CDH12: variants seen among roughly 807,000 people sequenced by gnomAD.
CDH12 encodes cadherin-12.
In CDH12, 41 loss-of-function variants were observed where a neutral mutation model predicts 74.1. The ratio of observed to expected loss-of-function variants is 0.55; its 90% CI spans 0.43 to 0.72. The LOEUF (loss-of-function observed/expected upper bound fraction) is 0.72. Among genes scored for constraint, CDH12 ranks in the 30% least tolerant of loss-of-function variants. CDH12 has a pLI of 0.00. For synonymous variants in CDH12, 399 were observed against 355.0 expected (o/e 1.12, Z -1.39); for missense variants, 945 against 977.2 (o/e 0.97, Z 0.44).
At chr5:22,524,152 T>C (rs1737170945) in intron 1 of CDH12, among the ~76,000 whole-genome samples, 1 of 151,866 alleles carries the variant, frequency 6.6e-6, no homozygotes, top group African/African-American at 2.4e-5. Flanking sequence ...CTGGCTAATT[T>C]TTTGTATTTT....
At chr5:22,419,995 T>G (rs900789434) in intron 2 of CDH12, among the ~76,000 whole-genome samples, 1 of 80,578 alleles carries the variant, frequency 1.2e-5, no homozygotes, top group South Asian at 4.5e-4. Context: ...TTAATGGGGT[T>G]TTTTTTTGTT....
At chr5:22,209,562 GTA>G (rs1751413571) in intron 4 of CDH12, among the ~76,000 whole-genome samples, 1 of 151,342 alleles carries the variant, frequency 6.6e-6, no homozygotes. Flanking sequence ...TTGGAAAGAT[GTA>G]TATGTTACAA....
intron 1 of CDH12, among the ~76,000 whole-genome samples, chr5:22,614,744 G>C (rs1426715774): frequency 6.6e-6 from 1 of 152,016 alleles, no homozygotes; most frequent in Non-Finnish European, 1.5e-5. Context: ...TATCCATGGG[G>C]AATATGTTCC....
intron 1 of CDH12, among the ~76,000 whole-genome samples, chr5:22,778,731 CTTTTA>C (rs1747235646): frequency 1.3e-5 from 2 of 152,010 alleles, no homozygotes; most frequent in South Asian, 2.1e-4. Flanking sequence ...CTCTAGACAG[CTTTTA>C]TTTTAACAAA....
intron 2 of CDH12, among the ~76,000 whole-genome samples, chr5:22,494,093 C>T (rs1044608576): frequency 1.1e-4 from 17 of 152,248 alleles, no homozygotes; most frequent in East Asian, 5.8e-4. Flanking sequence ...TGTATATGGT[C>T]GAGCATGGTG....
At chr5:21,998,582 A>C (rs1736429538) in intron 5 of CDH12, among the ~76,000 whole-genome samples, 2 of 152,174 alleles carry the variant, frequency 1.3e-5, no homozygotes, top group South Asian at 4.1e-4. Flanking sequence ...TCTGTACAAA[A>C]TATCAGAAAA....
intron 2 of CDH12, among the ~76,000 whole-genome samples, chr5:22,491,627 A>AAC (rs1554044837): frequency 7.9e-5 from 12 of 151,172 alleles, no homozygotes; most frequent in African/African-American, 2.4e-4. Context: ...AAAAACAAAA[A>AAC]AAAAAACAAA....
At chr5:22,814,427 C>T (rs1749292220) in intron 1 of CDH12, among the ~76,000 whole-genome samples, 1 of 152,130 alleles carries the variant, frequency 6.6e-6, no homozygotes, top group African/African-American at 2.4e-5. Flanking sequence ...AAACATTACA[C>T]AAAGATTAAT....
intron 4 of CDH12, among the ~76,000 whole-genome samples, chr5:22,131,576 T>C (rs940770370): frequency 6.6e-6 from 1 of 152,122 alleles, no homozygotes; most frequent in Non-Finnish European, 1.5e-5. Context: ...GGTCACCTTG[T>C]TCCTTGTTGA....
At chr5:21,845,357 T>A (rs1312716730) in intron 7 of CDH12, among the ~76,000 whole-genome samples, 1 of 152,114 alleles carries the variant, frequency 6.6e-6, no homozygotes, top group Non-Finnish European at 1.5e-5. Flanking sequence ...ATTCCAGTCA[T>A]CCACTCCTAA....
At chr5:22,499,753 T>C (rs944957573) in intron 2 of CDH12, among the ~76,000 whole-genome samples, 5 of 152,160 alleles carry the variant, frequency 3.3e-5, no homozygotes, top group African/African-American at 9.7e-5. Context: ...CATGTTATTC[T>C]GGCTGTTTTC....
chr5:21,878,574 CA>C (rs55681202), intron 6 of CDH12, among the ~76,000 whole-genome samples: 2,632 of 119,714 alleles, frequency 0.022, 65 homozygotes, highest in African/African-American at 0.065. Context: ...ACCAAAAATA[CA>C]AAAAAAAAAA....
At chr5:22,513,023 C>T (rs182644840) in intron 1 of CDH12, among the ~76,000 whole-genome samples, 5 of 152,144 alleles carry the variant, frequency 3.3e-5, no homozygotes, top group South Asian at 2.1e-4. Context: ...GACAACAGGG[C>T]GAGACGCTGT....
At chr5:22,352,934 G>A (rs1161738107) in intron 3 of CDH12, among the ~76,000 whole-genome samples, 6 of 152,120 alleles carry the variant, frequency 3.9e-5, no homozygotes. Context: ...ACATAAAGCA[G>A]AAGCTCAAAG....
chr5:22,281,128 G>T (rs1407047543), intron 3 of CDH12, among the ~76,000 whole-genome samples: 1 of 152,124 alleles, frequency 6.6e-6, no homozygotes, highest in African/African-American at 2.4e-5. Flanking sequence ...AAAAGCACAT[G>T]ATTATTTCAA....
rs569215223 is a variant in CDH12 at position 22,544,276 on chromosome 5, G to A, written c.-522-38912C>T. Among the ~76,000 whole-genome samples the A allele has an allele frequency of 1.9e-3, 292 of 152,140 alleles. 2 individuals are homozygous for A. The highest frequency in any genetic ancestry group is 6.6e-3 in the African/African-American group (275 of 41,520). On this transcript the variant is annotated intron_variant, in intron 1 of 14. Coordinates refer to ENST00000382254, the MANE Select transcript of CDH12 (RefSeq NM_004061.5). Reference sequence around the variant, plus strand: ...TGACTCCTGTTGTTTACAATCTGATGAAAAATTAAACAGCTAAAATAATGG... The same window carrying A: ...TGACTCCTGTTGTTTACAATCTGATAAAAAATTAAACAGCTAAAATAATGG...
chr5:22,641,191 G>A (rs568488045), intron 1 of CDH12, among the ~76,000 whole-genome samples: 12 of 152,236 alleles, frequency 7.9e-5, no homozygotes, highest in Admixed American at 2.6e-4. Flanking sequence ...GGGATGCTGC[G>A]GGTGTGGCTT....
At chr5:22,241,206 ATTTT>A (rs1181670450) in intron 3 of CDH12, among the ~76,000 whole-genome samples, 3 of 152,024 alleles carry the variant, frequency 2.0e-5, no homozygotes, top group African/African-American at 7.2e-5. Flanking sequence ...AATACTATTT[ATTTT>A]TTAATATTTA....
chr5:22,074,464 G>A (rs915880506), intron 5 of CDH12, among the ~76,000 whole-genome samples: 2 of 152,020 alleles, frequency 1.3e-5, no homozygotes, highest in Non-Finnish European at 2.9e-5. Flanking sequence ...TTGACAAAAG[G>A]GATCTAGTTA....
Sources: allele counts gnomAD v4.1 joint callset (sites outside exome capture counted in the v4.1 genomes callset), GRCh38; gene constraint gnomAD v4.1.1; transcripts MANE v1.5; gene names NCBI Gene and HGNC (gene_info 2026-07-23, HGNC 2026-07-21).